The following TET1 variants were observed in gnomAD, a reference collection of about 807,000 sequenced individuals.
TET1 encodes tet methylcytosine dioxygenase 1, also known as methylcytosine dioxygenase TET1.
Under a neutral mutation model 148.7 loss-of-function variants are expected in TET1, and 13 were observed. The observed-to-expected ratio is 0.09, with a 90% CI of 0.06 to 0.14. The LOEUF (loss-of-function observed/expected upper bound fraction) is 0.14. TET1 is among the 10% of genes least tolerant of loss of function. The pLI is 1.00. For synonymous variants in TET1, 907 were observed against 937.2 expected (o/e 0.97, Z 0.59); for missense variants, 2,182 against 2,553.8 (o/e 0.85, Z 3.14).
rs182239134 is a variant in TET1 at position 68,611,490 on chromosome 10, A to G, written c.1968+10456A>G. ...AACATAGCAAGACTCCATCTCTTCA[A>G]GAAAAAAATAAGTGGGTTGGGCATA... On this transcript the variant is annotated intron_variant, in intron 3 of 11. Coordinates refer to ENST00000373644, the MANE Select transcript of TET1 (RefSeq NM_030625.3). Among the ~76,000 whole-genome samples, 380 of 151,542 alleles carry G rather than the reference A, an allele frequency of 2.5e-3. 3 individuals are homozygous for G. Among genetic ancestry groups the G allele is most frequent in the African/African-American group, 9.0e-3 (372 of 41,326 alleles).
chr10:68,563,972 G>A (rs1191397393), intron 1 of TET1, among the ~76,000 whole-genome samples: 4 of 151,996 alleles, frequency 2.6e-5, no homozygotes, highest in African/African-American at 7.2e-5. Context: ...AAGAACCACC[G>A]CACCAGCCAG....
intron 2 of TET1, among the ~76,000 whole-genome samples, chr10:68,576,019 CAAA>C: frequency 1.1e-5 from 1 of 94,298 alleles, no homozygotes. Context: ...GACTCCATCT[CAAA>C]AAAAAAAAAA....
Position 68,645,289 on chromosome 10 carries a change from G to A in TET1, c.2560G>A (p.Asp854Asn). Residue 854 changes from aspartate to asparagine, a missense_variant, in exon 4 of 12, where the codon GAT becomes AAT. Asp to Asn is a conservative substitution (Grantham distance 23). Transcript: ENST00000373644. ...NHHASIHNEG[D>N]QPKTPENIPS... Reference sequence around the variant, plus strand: ...TCATGCTAGTATACACAATGAAGGTGATCAACCAAAAACTCCTGAGAATAT... The same window carrying A: ...TCATGCTAGTATACACAATGAAGGTAATCAACCAAAAACTCCTGAGAATAT... 1 of 1,614,090 alleles carries A rather than the reference G, an allele frequency of 6.2e-7. No homozygotes were observed. The highest frequency in any genetic ancestry group is 8.5e-7 in the Non-Finnish European group (1 of 1,180,026).
At chr10:68,575,508 G>A (rs980393842) in intron 2 of TET1, among the ~76,000 whole-genome samples, 2 of 151,460 alleles carry the variant, frequency 1.3e-5, no homozygotes, top group African/African-American at 4.9e-5. Context: ...TCAGGAGTTC[G>A]AGACCAACAT....
At chr10:68,687,931 GT>G (rs1027162617) in intron 11 of TET1, among the ~76,000 whole-genome samples, 4 of 151,690 alleles carry the variant, frequency 2.6e-5, no homozygotes, top group African/African-American at 7.3e-5. Flanking sequence ...GGGTTTTGGG[GT>G]TTTTTTTAAA....
intron 2 of TET1, among the ~76,000 whole-genome samples, chr10:68,579,702 A>G (rs934965147): frequency 1.3e-5 from 2 of 152,268 alleles, no homozygotes; most frequent in Non-Finnish European, 2.9e-5. Flanking sequence ...TCGAATGATT[A>G]GATGAAGCCT....
chr10:68,596,368 A>C (rs976043804), intron 2 of TET1, among the ~76,000 whole-genome samples: 1 of 152,240 alleles, frequency 6.6e-6, no homozygotes, highest in South Asian at 2.1e-4. Flanking sequence ...TAAACATCTT[A>C]TGGTACATGC....
chr10:68,561,274 G>C (rs1252816826), intron 1 of TET1, among the ~76,000 whole-genome samples: 4 of 152,110 alleles, frequency 2.6e-5, no homozygotes, highest in African/African-American at 9.7e-5. Flanking sequence ...ATATATATGA[G>C]AGACAGGTTG....
At chr10:68,629,561 G>A (rs902109022) in intron 3 of TET1, among the ~76,000 whole-genome samples, 2 of 149,442 alleles carry the variant, frequency 1.3e-5, no homozygotes, top group African/African-American at 4.9e-5. Context: ...TTGAGACAAA[G>A]TCTCCCTCTG....
At chr10:68,580,688 A>G (rs544053033) in intron 2 of TET1, among the ~76,000 whole-genome samples, 1 of 150,546 alleles carries the variant, frequency 6.6e-6, no homozygotes, top group Non-Finnish European at 1.5e-5. Context: ...AGGCTGAGGC[A>G]GGAGAATGGC....
chr10:68,691,142 G>A lies in TET1; in HGVS notation c.5739G>A (p.Leu1913=). ...QLGEVAPLPT[L]SAPVMEPLIN... ...GCGAAGTGGCTCCTCTCCCCACCCT[G>A]TCTGCTCCTGTGATGGAGCCCCTCA... Residue 1913 remains leucine (L), a synonymous_variant, in exon 12 of 12, where the codon CTG becomes CTA. Transcript: ENST00000373644. This position sits in a 1 kb window ranked among gnomAD's most constrained non-coding sequence, Gnocchi z 4.4. The A allele has an allele frequency of 6.2e-7, 1 of 1,614,132 alleles. No homozygotes were observed. Among genetic ancestry groups the A allele is most frequent in the Non-Finnish European group, 8.5e-7 (1 of 1,180,028 alleles).
rs1441440122 is a variant in TET1, at chr10:68,645,515, G to C, written c.2786G>C (p.Ser929Thr). The C allele has an allele frequency of 1.1e-5, 17 of 1,613,940 alleles. No homozygotes were observed. Among genetic ancestry groups the C allele is most frequent in the East Asian group, 8.9e-5 (4 of 44,890 alleles). Residue 929 changes from serine (S) to threonine (T), a missense_variant, in exon 4 of 12, where the codon AGC (serine) becomes ACC (threonine). Physicochemically the swap from Ser to Thr is moderately conservative, Grantham distance 58. Coordinates refer to ENST00000373644, the MANE Select transcript of TET1 (RefSeq NM_030625.3). The part of the protein sequence containing the change: ...SEQRTASLLN[S>T]CKAILYTVRK... Reference sequence around the variant, plus strand: ...CAGAGAACAGCCAGTTTGCTTAATAGCTGCAAAGCTATCCTCTACACTGTA... The same window carrying C: ...CAGAGAACAGCCAGTTTGCTTAATACCTGCAAAGCTATCCTCTACACTGTA...
At chr10:68,633,056 C>T (rs1333344734) in intron 3 of TET1, among the ~76,000 whole-genome samples, 2 of 151,866 alleles carry the variant, frequency 1.3e-5, no homozygotes, top group Admixed American at 6.6e-5. Flanking sequence ...TGGTGGTGGG[C>T]GCCTGTAATC....
At chr10:68,640,884 T>A (rs2054743086) in intron 3 of TET1, among the ~76,000 whole-genome samples, 1 of 151,820 alleles carries the variant, frequency 6.6e-6, no homozygotes, top group Non-Finnish European at 1.5e-5. Flanking sequence ...TGTGTATGTA[T>A]GTGACATGTA....
At chr10:68,640,544 CTTTTTTTTTTTTTT>C (rs60460824) in intron 3 of TET1, among the ~76,000 whole-genome samples, 31 of 42,888 alleles carry the variant, frequency 7.2e-4, no homozygotes, top group Admixed American at 1.9e-3. Context: ...TTCTTTCTTT[CTTTTTTTTTTTTTT>C]TTTTTTTTTT....
At position 68,572,503 on chromosome 10, in the gene TET1, AAG is replaced by A; in HGVS notation, c.169_170del (p.Asp57CysfsTer2). The A allele has an allele frequency of 6.2e-7, 1 of 1,613,632 alleles. No homozygotes were observed. Among genetic ancestry groups the A allele is most frequent in the Non-Finnish European group, 8.5e-7 (1 of 1,179,936 alleles). ...PGKLKQLIQE[R>X]DVKKKTEPKP... ...GAAAATTAAAGCAATTAATTCAAGA[AAG>A]AGATGTTAAGAAAAAAACAGAACCT... On this transcript the variant is annotated frameshift_variant, in exon 2 of 12. Transcript: ENST00000373644. LOFTEE classifies it high-confidence loss of function.
chr10:68,595,222 T>A (rs901566751), intron 2 of TET1, among the ~76,000 whole-genome samples: 4 of 152,130 alleles, frequency 2.6e-5, no homozygotes, highest in Admixed American at 6.5e-5. Context: ...TAAAAAGTTT[T>A]TAATTTTTAT....
chr10:68,573,828 T>C lies in TET1; in HGVS notation c.1490T>C (p.Val497Ala). Residue 497 changes from valine to alanine, a missense_variant, in exon 2 of 12, where the codon GTA (valine) becomes GCA (alanine). Around this residue, in one of 11 missense-constraint regions of TET1, gnomAD observed 665 missense variants for 672.4 expected, o/e 0.99. Transcript: ENST00000373644. The part of the protein sequence containing the change: ...SLPPVMAISN[V>A]ENEKQVHISF... The stretch of plus-strand genomic sequence containing the variant: ...CCTCCAGTAATGGCTATAAGCAATG[T>C]AGAAAATGAGAAGCAGGTTCATATA... 1 of 1,614,018 alleles carries C rather than the reference T, an allele frequency of 6.2e-7. No homozygotes were observed. The highest frequency in any genetic ancestry group is 8.5e-7 in the Non-Finnish European group (1 of 1,180,026).
intron 10 of TET1, among the ~76,000 whole-genome samples, chr10:68,685,354 T>TCTCC (rs1266957443): frequency 6.6e-6 from 1 of 152,222 alleles, no homozygotes; most frequent in Non-Finnish European, 1.5e-5. Flanking sequence ...ATTTCATTTA[T>TCTCC]CTCCAGTCTT....
Sources: gnomAD v4.1 joint callset for allele counts (sites outside exome capture counted in the v4.1 genomes callset) on GRCh38, gnomAD v4.1.1 for gene constraint, gnomAD v4.1.1 regional missense constraint, Gnocchi (gnomAD v3.1) non-coding constraint, MANE v1.5 for transcripts, NCBI Gene and HGNC (gene_info 2026-07-23, HGNC 2026-07-21) for gene names.